FOCAD: variants seen among roughly 807,000 people sequenced by gnomAD.
FOCAD encodes focadhesin, also known as KIAA1797.
Under a neutral mutation model 225.6 loss-of-function variants are expected in FOCAD, and 198 were observed. The ratio of observed to expected loss-of-function variants is 0.88; its 90% CI spans 0.78 to 0.99. The LOEUF is 0.99. FOCAD is among the 50% of genes least tolerant of loss of function. FOCAD has a pLI of 0.00. For synonymous variants in FOCAD, 897 were observed against 755.0 expected, an observed-to-expected ratio of 1.19 and a Z score of -3.08; for missense variants, 2,713 against 2,123.6, an observed-to-expected ratio of 1.28 and a Z score of -5.46.
chr9:20,924,511 G>A (rs1269130738), intron 25 of FOCAD, among the ~76,000 whole-genome samples: 2 of 152,144 alleles, frequency 1.3e-5, no homozygotes, highest in Non-Finnish European at 2.9e-5. Context: ...TTGTTCGAAG[G>A]ATTAAATGAA....
chr9:20,795,540 C>T (rs929360237), intron 11 of FOCAD, among the ~76,000 whole-genome samples: 2 of 151,658 alleles, frequency 1.3e-5, no homozygotes, highest in Non-Finnish European at 2.9e-5. Context: ...AATCCCAGCA[C>T]TTTGGGAGGC....
At chr9:20,676,584 T>C (rs1187210193) in intron 2 of FOCAD, among the ~76,000 whole-genome samples, 1 of 152,206 alleles carries the variant, frequency 6.6e-6, no homozygotes, top group Non-Finnish European at 1.5e-5. Context: ...TTAATATAGT[T>C]CCTGTGCTGT....
chr9:20,920,929 A>G (rs1834364205), intron 24 of FOCAD, among the ~76,000 whole-genome samples: 1 of 151,486 alleles, frequency 6.6e-6, no homozygotes. Context: ...TAACCTGCAC[A>G]TTGTGCACAT....
At chr9:20,967,889 T>G (rs1839407328) in intron 35 of FOCAD, among the ~76,000 whole-genome samples, 1 of 152,140 alleles carries the variant, frequency 6.6e-6, no homozygotes, top group South Asian at 2.1e-4. Flanking sequence ...TGTTGAGAAT[T>G]TTTGCATCTA....
chr9:20,925,948 T>C (rs1834896256), intron 25 of FOCAD, among the ~76,000 whole-genome samples: 1 of 152,218 alleles, frequency 6.6e-6, no homozygotes, highest in African/African-American at 2.4e-5. Flanking sequence ...AATTTTGAAT[T>C]ATGTTTTTTG....
chr9:20,851,465 A>G (rs967576115), intron 15 of FOCAD, among the ~76,000 whole-genome samples: 2 of 151,854 alleles, frequency 1.3e-5, no homozygotes, highest in Admixed American at 1.3e-4. Context: ...ACACATCAGA[A>G]TTCCTGATAT....
At position 20,838,857 on chromosome 9, in the gene FOCAD, A is replaced by G. The variant is rs1826239145; in HGVS notation, c.1920+15742A>G. ...TTATGTATAAGCCTGCCCATGGGGT[A>G]TGGAAAGAAAATATTAGAGTATTTC... On this transcript the variant is annotated intron_variant, in intron 15 of 43. Coordinates refer to ENST00000338382, the MANE Select transcript of FOCAD (RefSeq NM_001375567.1). Among the ~76,000 whole-genome samples the G allele has an allele frequency of 2.6e-5, 4 of 152,274 alleles. No individual in the cohort carries two copies. The South Asian group carries it at 8.3e-4, about 32-fold the overall frequency.
intron 7 of FOCAD, among the ~76,000 whole-genome samples, chr9:20,769,067 C>T (rs1329804435): frequency 6.6e-6 from 1 of 152,160 alleles, no homozygotes; most frequent in African/African-American, 2.4e-5. Context: ...CGTCTCTTCT[C>T]TGTGGCCTTT....
intron 11 of FOCAD, among the ~76,000 whole-genome samples, chr9:20,818,050 T>C (rs1015554265): frequency 1.3e-5 from 2 of 152,162 alleles, no homozygotes; most frequent in African/African-American, 4.8e-5. Context: ...CAACACTTGT[T>C]ATTGTCCATC....
intron 27 of FOCAD, among the ~76,000 whole-genome samples, chr9:20,930,735 T>A (rs1393319496): frequency 6.6e-6 from 1 of 152,192 alleles, no homozygotes; most frequent in South Asian, 2.1e-4. Flanking sequence ...TTTGAGACCA[T>A]AAGTGCAATA....
intron 26 of FOCAD, chr9:20,927,699 C>T (rs554540589): frequency 2.0e-5 from 3 of 152,242 alleles, no homozygotes; most frequent in South Asian, 4.1e-4. Context: ...TACCCTATTA[C>T]TATCCATTGC....
At chr9:20,758,827 G>T (rs1257858418) in intron 6 of FOCAD, among the ~76,000 whole-genome samples, 6 of 152,102 alleles carry the variant, frequency 3.9e-5, no homozygotes, top group Admixed American at 2.6e-4. Flanking sequence ...AAGTCAAATT[G>T]TCCCTGTTTG....
intron 4 of FOCAD, among the ~76,000 whole-genome samples, chr9:20,729,217 G>T (rs554637532): frequency 6.6e-6 from 1 of 152,186 alleles, no homozygotes; most frequent in East Asian, 1.9e-4. Flanking sequence ...GTGTCAGCAG[G>T]ACTGATTCCT....
intron 10 of FOCAD, 98 bp downstream of exon 10, chr9:20,782,027 T>G (rs1371443454): frequency 1.7e-5 from 17 of 1,028,558 alleles, no homozygotes; most frequent in Admixed American, 3.8e-5. Flanking sequence ...CTGTTTGTTA[T>G]CAGACTTCAC....
chr9:20,820,319 T>G lies in FOCAD; in HGVS notation c.1561-5T>G. ...TGCAACTAGAGTTTCTTCAATATTT[T>G]CTAGGTGTGTATAGGACAAATTCTA... On this transcript the variant is annotated splice_polypyrimidine_tract_variant and splice_region_variant and intron_variant, in intron 12 of 43. Coordinates refer to ENST00000338382, the MANE Select transcript of FOCAD (RefSeq NM_001375567.1). The G allele has an allele frequency of 1.9e-6, 3 of 1,600,544 alleles. No individual in the cohort carries two copies. The highest frequency in any genetic ancestry group is 2.3e-5 in the South Asian group (2 of 88,774).
chr9:20,667,509 A>G (rs1336678084), intron 2 of FOCAD, among the ~76,000 whole-genome samples: 3 of 152,226 alleles, frequency 2.0e-5, no homozygotes, highest in Admixed American at 6.5e-5. Context: ...AACCTCATCC[A>G]AAATTAATCC....
At chr9:20,895,431 G>A (rs1024273870) in intron 21 of FOCAD, among the ~76,000 whole-genome samples, 1 of 151,722 alleles carries the variant, frequency 6.6e-6, no homozygotes, top group African/African-American at 2.4e-5. Context: ...ACAATATTGA[G>A]CTTTCAAAAA....
chr9:20,761,217 C>A (rs1027534564), intron 6 of FOCAD, among the ~76,000 whole-genome samples: 3 of 152,026 alleles, frequency 2.0e-5, no homozygotes, highest in Non-Finnish European at 4.4e-5. Flanking sequence ...TTATTGAAGG[C>A]CTATGACTTT....
chr9:20,849,857 C>G (rs368300955), intron 15 of FOCAD, among the ~76,000 whole-genome samples: 2 of 151,826 alleles, frequency 1.3e-5, no homozygotes, highest in African/African-American at 4.8e-5. Flanking sequence ...GAAGGCCTAT[C>G]TCTACTTGTA....
Sources: gnomAD v4.1 joint callset for allele counts (sites outside exome capture counted in the v4.1 genomes callset) on GRCh38, gnomAD v4.1.1 for gene constraint, MANE v1.5 for transcripts, NCBI Gene and HGNC (gene_info 2026-07-23, HGNC 2026-07-21) for gene names.